USP45: variants seen among roughly 807,000 people sequenced by gnomAD.
USP45 encodes the protein ubiquitin specific peptidase 45.
USP45 carries 89 observed loss-of-function variants against 95.8 expected under a neutral mutation model. The observed-to-expected ratio is 0.93, with a 90% CI of 0.78 to 1.11. The LOEUF (loss-of-function observed/expected upper bound fraction) is 1.11. Among genes scored for constraint, USP45 ranks in the 50% least tolerant of loss-of-function variants. The probability of loss-of-function intolerance (pLI) is 0.00; values close to 1 mark genes in which losing one functional copy is unlikely to be tolerated. For synonymous variants in USP45, 281 were observed against 316.2 expected, an observed-to-expected ratio of 0.89 and a Z score of 1.18; for missense variants, 898 against 942.5, an observed-to-expected ratio of 0.95 and a Z score of 0.62.
chr6:99,462,595 A>G, intron 13 of USP45: 5 of 985,362 alleles, frequency 5.1e-6, no homozygotes, highest in Non-Finnish European at 6.0e-6. Flanking sequence ...TGTCCTATAT[A>G]TCTTATGAAG....
chr6:99,453,517 G>A (rs1300996886), intron 13 of USP45, among the ~76,000 whole-genome samples: 2 of 152,032 alleles, frequency 1.3e-5, no homozygotes, highest in Non-Finnish European at 2.9e-5. Context: ...GAAACTGAAG[G>A]AGACACAAAC....
rs1391769987 is a variant in USP45, at chr6:99,433,242, T to C, written c.*2474A>G. The C allele has an allele frequency of 6.6e-6, 1 of 152,650 alleles. No homozygotes were observed. Among genetic ancestry groups the C allele is most frequent in the Non-Finnish European group, 1.5e-5 (1 of 68,042 alleles). 9.5% of individuals were successfully genotyped at this position (152,650 alleles called of 1,614,324 possible). On this transcript the variant is annotated 3_prime_UTR_variant, in exon 18 of 18. Coordinates refer to ENST00000500704, the MANE Select transcript of USP45 (RefSeq NM_001346022.3). ...GACAATATTGGCACATAATCAATATTTTATCATTTTATATTTGGAAAAAAA... is the reference window on the plus strand; with the variant it reads ...GACAATATTGGCACATAATCAATATCTTATCATTTTATATTTGGAAAAAAA...
At chr6:99,466,528 G>A (rs549586938) in intron 11 of USP45, 144 bp downstream of exon 11, 29 of 652,826 alleles carry the variant, frequency 4.4e-5, no homozygotes, top group Middle Eastern at 7.9e-4. Flanking sequence ...GGAGTGTAGC[G>A]TATAAAAAGA....
At chr6:99,437,135 C>A in intron 17 of USP45, 111 bp downstream of exon 17, 1 of 1,074,990 alleles carries the variant, frequency 9.3e-7, no homozygotes, top group Non-Finnish European at 1.3e-6. Context: ...TAAAATAAAG[C>A]AAGCAAGCAA....
Position 99,437,249 on chromosome 6 carries a change from G to C in USP45, c.2311C>G (p.Pro771Ala), listed in dbSNP as rs531027682. The C allele has an allele frequency of 4.4e-6, 7 of 1,599,056 alleles. No homozygotes were observed. The East Asian group carries it at 1.6e-4, about 36-fold the overall frequency. ...SEHNTKKKNVPGLKAADNESA... is the reference protein window; with the variant it reads ...SEHNTKKKNVAGLKAADNESA... ...AAATAAACTTAGGATGGCATACCAG[G>C]CACATTTTTCTTTTTAGTGTTATGT... Residue 771 changes from proline (P) to alanine (A), a missense_variant, in exon 17 of 18, where the codon CCT becomes GCT. Transcript: ENST00000500704.
rs374398265 is a variant in USP45 at position 99,486,875 on chromosome 6, C to A, written c.714+1325G>T. ...CACACACACAGGCTGATCAATTTCTCACTAAAATTATCCTTACTAGTATCA... is the reference window on the plus strand; with the variant it reads ...CACACACACAGGCTGATCAATTTCTAACTAAAATTATCCTTACTAGTATCA... On this transcript the variant is annotated intron_variant, in intron 7 of 17. Transcript: ENST00000500704. 7.2e-5 allele frequency among the ~76,000 whole-genome samples: 11 copies of A among 152,100 alleles called. No individual in the cohort carries two copies. The East Asian group carries it at 2.1e-3, about 29-fold the overall frequency.
At position 99,503,877 on chromosome 6, in the gene USP45, TA is replaced by T. The variant is rs1562444364; in HGVS notation, c.378-13del. ...CACATTCATAACACCTGAAAAAGTA[TA>T]AAATTTAAGAAAATATTATGAAAAT... On this transcript the variant is annotated splice_polypyrimidine_tract_variant and intron_variant, in intron 4 of 17. Coordinates refer to ENST00000500704, the MANE Select transcript of USP45 (RefSeq NM_001346022.3). 1 of 1,495,096 alleles carries T rather than the reference TA, an allele frequency of 6.7e-7. No homozygotes were observed. The highest frequency in any genetic ancestry group is 1.3e-5 in the South Asian group (1 of 76,532). 92.6% of individuals were successfully genotyped at this position (1,495,096 alleles called of 1,614,324 possible).
intron 8 of USP45, among the ~76,000 whole-genome samples, chr6:99,481,067 CT>C (rs1792282628): frequency 6.6e-6 from 1 of 152,086 alleles, no homozygotes; most frequent in South Asian, 2.1e-4. Flanking sequence ...GCACTTGAGC[CT>C]GGGCACAGAG....
intron 5 of USP45, among the ~76,000 whole-genome samples, chr6:99,496,405 T>TA (rs1164221906): frequency 0.013 from 1,883 of 146,708 alleles, 27 homozygotes; most frequent in African/African-American, 0.041. Context: ...CTTTCTTATT[T>TA]AAAAAAAAAA....
intron 9 of USP45, 70 bp downstream of exon 9, chr6:99,476,073 C>T: frequency 7.0e-7 from 1 of 1,433,120 alleles, no homozygotes; most frequent in Non-Finnish European, 9.7e-7. Context: ...CCGCCTTGGC[C>T]CCCCAATAAT....
intron 5 of USP45, among the ~76,000 whole-genome samples, chr6:99,500,167 C>G (rs1797087867): frequency 6.6e-6 from 1 of 152,168 alleles, no homozygotes; most frequent in Admixed American, 6.5e-5. Context: ...CTCTGTCGCC[C>G]AGGCTGGCAT....
chr6:99,460,045 C>T (rs942679927), intron 13 of USP45, among the ~76,000 whole-genome samples: 1 of 152,148 alleles, frequency 6.6e-6, no homozygotes, highest in Non-Finnish European at 1.5e-5. Flanking sequence ...TTCTAAAATA[C>T]TCAGGCCAGA....
chr6:99,489,700 AC>A (rs1408191744), intron 5 of USP45, among the ~76,000 whole-genome samples: 2 of 152,196 alleles, frequency 1.3e-5, no homozygotes, highest in Admixed American at 1.3e-4. Flanking sequence ...TAATCCTAGC[AC>A]TTTGGGAGGC....
In USP45 at chr6:99,515,390, AC is replaced by A. The variant is rs1210867291; in HGVS notation, c.-11+1del. ...GACCAAAGCGCCGCGTTCTCAACTCACCCCGCCGGGCCGGGCCGCAGCGTCT... is the reference window on the plus strand; with the variant it reads ...GACCAAAGCGCCGCGTTCTCAACTCACCCGCCGGGCCGGGCCGCAGCGTCT... On this transcript the variant is annotated splice_donor_variant, in intron 1 of 17. Transcript: ENST00000500704. LOFTEE classifies it low-confidence loss of function (5UTR_SPLICE). 6.6e-6 allele frequency: 1 copy of A among 151,536 alleles called. No individual in the cohort carries two copies. Among genetic ancestry groups the A allele is most frequent in the Non-Finnish European group, 1.5e-5 (1 of 67,868 alleles). 9.4% of individuals were successfully genotyped at this position (151,536 alleles called of 1,614,324 possible).
intron 1 of USP45, 91 bp from the exon 2 acceptor site, chr6:99,510,321 C>CAT: frequency 2.5e-6 from 2 of 806,338 alleles, no homozygotes; most frequent in Non-Finnish European, 3.9e-6. Flanking sequence ...ACTGAAATGA[C>CAT]TTCAATTTCA....
intron 13 of USP45, chr6:99,461,173 G>C (rs928423147): frequency 1.0e-6 from 1 of 985,166 alleles, no homozygotes; most frequent in Non-Finnish European, 1.2e-6. Flanking sequence ...CTGAACTTTT[G>C]GATTTCTTTC....
intron 13 of USP45, chr6:99,462,675 T>G: frequency 1.0e-6 from 1 of 985,712 alleles, no homozygotes; most frequent in East Asian, 1.1e-4. Context: ...ACATAAGTCT[T>G]CTAACAGAGT....
At chr6:99,474,813 A>C (rs1463736200) in intron 9 of USP45, among the ~76,000 whole-genome samples, 1 of 152,158 alleles carries the variant, frequency 6.6e-6, no homozygotes, top group Non-Finnish European at 1.5e-5. Flanking sequence ...TGATATCCTT[A>C]ATATCTTGCA....
In USP45 at chr6:99,481,857, T is replaced by C. The variant is rs60270387; in HGVS notation, c.845+896A>G. ...AAGAATATGATTTCATTCTTTATTA[T>C]GGCTGTGCTAAAAACTTTTTAACTC... On this transcript the variant is annotated intron_variant, in intron 8 of 17. Coordinates refer to ENST00000500704, the MANE Select transcript of USP45 (RefSeq NM_001346022.3). Among the ~76,000 whole-genome samples, 846 of 152,350 alleles carry C rather than the reference T, an allele frequency of 5.6e-3. 28 individuals carry two copies. Among genetic ancestry groups the C allele is most frequent in the Admixed American group, 0.043 (656 of 15,300 alleles).
Sources: allele counts gnomAD v4.1 joint callset (sites outside exome capture counted in the v4.1 genomes callset), GRCh38; gene constraint gnomAD v4.1.1; transcripts MANE v1.5; gene names NCBI Gene and HGNC (gene_info 2026-07-23, HGNC 2026-07-21).